KANK1: variants seen among roughly 807,000 people sequenced by gnomAD.
KANK1 encodes KN motif and ankyrin repeat domains 1.
A neutral mutation model predicts 106.2 loss-of-function variants in KANK1; 109 were observed. That is an observed-to-expected ratio of 1.03 (90% CI 0.88 to 1.20). The LOEUF is 1.20. Among genes scored for constraint, KANK1 ranks in the 50% most tolerant of loss-of-function variants. The pLI is 0.00. For missense variants in KANK1, 2,399 were observed against 1,710.7 expected, an observed-to-expected ratio of 1.40 and a Z score of -7.10; for synonymous variants, 873 against 652.2, an observed-to-expected ratio of 1.34 and a Z score of -5.16.
chr9:731,357 C>T (rs1832204085), intron 5 of KANK1, 91 bp downstream of exon 5: 11 of 694,834 alleles, frequency 1.6e-5, no homozygotes, highest in South Asian at 3.6e-5. Context: ...GTCGGGGAAG[C>T]GGCCACAGCG....
At chr9:705,589 A>G (rs998646352) in intron 2 of KANK1, among the ~76,000 whole-genome samples, 4 of 149,000 alleles carry the variant, frequency 2.7e-5, no homozygotes, top group Non-Finnish European at 5.9e-5. Context: ...AAAAAAATGT[A>G]TATTTTTTTT....
chr9:697,967 A>C (rs141212883), intron 2 of KANK1, among the ~76,000 whole-genome samples: 1 of 152,178 alleles, frequency 6.6e-6, no homozygotes, highest in African/African-American at 2.4e-5. Flanking sequence ...AGGCAGGCCA[A>C]CAGTAACACT....
Position 730,173 on chromosome 9 carries a change from G to T in KANK1, c.2821G>T (p.Asp941Tyr), listed in dbSNP as rs769284122. Residue 941 changes from aspartate (D) to tyrosine (Y), a missense_variant, in exon 4 of 12, where the codon GAT (aspartate) becomes TAT (tyrosine). By Grantham distance (160) the Asp-to-Tyr change is radical (BLOSUM62 -3). Transcript: ENST00000382297. ...TSEGKPISSL[D>Y]AFPTQEGTLS... ...AGAAGGAAAGCCAATCAGCAGCCTG[G>T]ATGCCTTCCCCACTCAGGAAGGTAC... 25 of 1,614,166 alleles carry T rather than the reference G, an allele frequency of 1.5e-5. No individual in the cohort carries two copies. The highest frequency in any genetic ancestry group is 2.1e-5 in the Non-Finnish European group (25 of 1,180,024).
chr9:478,372 T>G (rs1300653480), intron 3 of KANK1: 1 of 152,446 alleles, frequency 6.6e-6, no homozygotes, highest in Non-Finnish European at 1.5e-5. Flanking sequence ...AGGAAAAAAT[T>G]TCAATAAAGG....
intron 1 of KANK1, among the ~76,000 whole-genome samples, chr9:646,411 A>G (rs1309095603): frequency 6.6e-6 from 1 of 151,072 alleles, no homozygotes; most frequent in African/African-American, 2.5e-5. Flanking sequence ...TTCGTCTGAA[A>G]ATAAGCTATT....
chr9:490,919 A>C (rs73386745), intron 3 of KANK1, among the ~76,000 whole-genome samples: 2,877 of 150,828 alleles, frequency 0.019, 107 homozygotes, highest in African/African-American at 0.065. Context: ...AAAAAAGATG[A>C]GGAGAACAAA....
intron 3 of KANK1, among the ~76,000 whole-genome samples, chr9:485,928 G>A (rs1010227598): frequency 9.9e-5 from 15 of 151,774 alleles, no homozygotes; most frequent in South Asian, 2.1e-4. Flanking sequence ...AGCTGAGTCC[G>A]GAGGTCCCTG....
chr9:582,295 T>C (rs774259627), intron 1 of KANK1, among the ~76,000 whole-genome samples: 6 of 152,128 alleles, frequency 3.9e-5, no homozygotes, highest in Non-Finnish European at 7.4e-5. Flanking sequence ...CATTTCTTTG[T>C]TGTTGTTGTT....
At chr9:637,306 T>C (rs548918389) in intron 1 of KANK1, among the ~76,000 whole-genome samples, 15 of 152,320 alleles carry the variant, frequency 9.8e-5, no homozygotes, top group Middle Eastern at 3.4e-3. Context: ...ATTTTTTCTC[T>C]GGCCTTTCAT....
intron 1 of KANK1, among the ~76,000 whole-genome samples, chr9:610,784 G>C (rs1830376152): frequency 6.6e-6 from 1 of 152,182 alleles, no homozygotes; most frequent in African/African-American, 2.4e-5. Context: ...TGTGACCTGA[G>C]TATCTTTGAG....
At chr9:654,544 C>CA (rs1341191913) in intron 1 of KANK1, among the ~76,000 whole-genome samples, 1 of 150,600 alleles carries the variant, frequency 6.6e-6, no homozygotes, top group Non-Finnish European at 1.5e-5. Flanking sequence ...AACACTAACT[C>CA]AACCAGAAGG....
At chr9:580,790 A>G (rs1415368273) in intron 1 of KANK1, among the ~76,000 whole-genome samples, 1 of 152,200 alleles carries the variant, frequency 6.6e-6, no homozygotes, top group Non-Finnish European at 1.5e-5. Context: ...GCCCTTGGGT[A>G]GTCAATGGGA....
At chr9:690,838 C>T (rs1045651411) in intron 2 of KANK1, among the ~76,000 whole-genome samples, 2 of 152,192 alleles carry the variant, frequency 1.3e-5, no homozygotes, top group African/African-American at 2.4e-5. Flanking sequence ...CTGGTATACG[C>T]TCAGCCAGCC....
At chr9:726,593 C>T (rs1397899389) in intron 3 of KANK1, among the ~76,000 whole-genome samples, 2 of 150,028 alleles carry the variant, frequency 1.3e-5, no homozygotes, top group Admixed American at 6.7e-5. Flanking sequence ...GAGCCAAGAT[C>T]GCACCACTGC....
intron 1 of KANK1, among the ~76,000 whole-genome samples, chr9:514,958 C>T (rs78101631): frequency 0.022 from 3,376 of 151,696 alleles, 219 homozygotes; most frequent in South Asian, 0.11. Context: ...ATCTGGTAAA[C>T]GTGTGTTATT....
chr9:549,126 C>T (rs1442156337), intron 1 of KANK1: 1 of 151,364 alleles, frequency 6.6e-6, no homozygotes, highest in Non-Finnish European at 1.5e-5. Context: ...ACAAAGAAAC[C>T]TGTGTGAATT....
At chr9:504,927 G>C (rs1434259154) in intron 1 of KANK1, among the ~76,000 whole-genome samples, 173 bp downstream of exon 1, 1 of 150,560 alleles carries the variant, frequency 6.6e-6, no homozygotes, top group Non-Finnish European at 1.5e-5. Flanking sequence ...GCTCCCGCTC[G>C]TGCGGGTGAA....
At chr9:470,592 A>C (rs2058000269) in exon 2 of KANK1, 1 of 152,410 alleles carries the variant, frequency 6.6e-6, no homozygotes, top group African/African-American at 2.4e-5. Context: ...GTTCTAGCGA[A>C]GACTTCGGAG....
chr9:690,155 A>AAAAAAAAT (rs1819561053), intron 2 of KANK1, among the ~76,000 whole-genome samples: 1 of 149,964 alleles, frequency 6.7e-6, no homozygotes, highest in African/African-American at 2.4e-5. Context: ...AAAAAAAAAA[A>AAAAAAAAT]ACTAGCTGGG....
Sources: allele counts gnomAD v4.1 joint callset (sites outside exome capture counted in the v4.1 genomes callset), GRCh38; gene constraint gnomAD v4.1.1; transcripts MANE v1.5; gene names NCBI Gene and HGNC (gene_info 2026-07-23, HGNC 2026-07-21).